The following SLC35D4 variants were observed in gnomAD, a reference collection of about 807,000 sequenced individuals.
SLC35D4 encodes UDP-N-acetylglucosamine transporter SLC35D4.
chr18:23,311,104 CTTTT>C, the SLC35D4 span, among the ~76,000 whole-genome samples: 8 of 142,342 alleles, frequency 5.6e-5, no homozygotes, highest in Non-Finnish European at 9.3e-5. Flanking sequence ...TTTCTCTTCC[CTTTT>C]TTTTTTTTTT....
chr18:23,273,416 G>C, the SLC35D4 span, among the ~76,000 whole-genome samples: 3 of 152,216 alleles, frequency 2.0e-5, no homozygotes, highest in Admixed American at 6.5e-5. Context: ...CAAGAGGGGA[G>C]GCCCGTCTAC....
At chr18:23,411,546 A>AAAGAAAGAAAGAAAGG in the SLC35D4 span, among the ~76,000 whole-genome samples, 75 of 148,984 alleles carry the variant, frequency 5.0e-4, no homozygotes, top group Non-Finnish European at 9.1e-4. Flanking sequence ...AGAAAGAAAG[A>AAAGAAAGAAAGAAAGG]AAGAAAGGTG....
chr18:23,319,586 C>A, the SLC35D4 span, among the ~76,000 whole-genome samples: 2 of 151,912 alleles, frequency 1.3e-5, no homozygotes, highest in African/African-American at 4.8e-5. Context: ...TACAGGCGTG[C>A]GCCACCATGC....
the SLC35D4 span, among the ~76,000 whole-genome samples, chr18:23,368,247 G>A: frequency 3.9e-5 from 6 of 152,088 alleles, no homozygotes; most frequent in Admixed American, 3.9e-4. Flanking sequence ...GCAGCCCAAG[G>A]GCCTCACACA....
chr18:23,326,292 T>C, the SLC35D4 span, among the ~76,000 whole-genome samples: 1 of 152,204 alleles, frequency 6.6e-6, no homozygotes, highest in Non-Finnish European at 1.5e-5. Context: ...ATCAGTGTGC[T>C]GTATTCAGGA....
chr18:23,342,505 G>C, the SLC35D4 span, among the ~76,000 whole-genome samples: 1 of 151,952 alleles, frequency 6.6e-6, no homozygotes, highest in South Asian at 2.1e-4. Context: ...TTTCCAGTTT[G>C]GGTTTCTTAT....
the SLC35D4 span, among the ~76,000 whole-genome samples, chr18:23,421,905 C>T: frequency 5.9e-5 from 9 of 151,870 alleles, no homozygotes; most frequent in Non-Finnish European, 1.2e-4. Flanking sequence ...TCTCAATCTC[C>T]TGACCTCATG....
At chr18:23,250,341 T>G in the SLC35D4 span, among the ~76,000 whole-genome samples, 3 of 45,786 alleles carry the variant, frequency 6.6e-5, no homozygotes, top group South Asian at 1.0e-3. Flanking sequence ...GTGCCTGGAT[T>G]GGGGGGTGAG....
chr18:23,334,790 C>T, the SLC35D4 span, among the ~76,000 whole-genome samples: 435 of 152,072 alleles, frequency 2.9e-3, 3 homozygotes, highest in African/African-American at 1.0e-2. Context: ...CACTTGAGGT[C>T]GGACGGGTTC....
the SLC35D4 span, among the ~76,000 whole-genome samples, chr18:23,420,853 A>G: frequency 1.3e-5 from 2 of 152,208 alleles, no homozygotes; most frequent in Non-Finnish European, 2.9e-5. Flanking sequence ...TATTAGTGGC[A>G]TTATTACCCA....
At chr18:23,362,757 T>C in the SLC35D4 span, among the ~76,000 whole-genome samples, 2 of 152,208 alleles carry the variant, frequency 1.3e-5, no homozygotes, top group Non-Finnish European at 2.9e-5. Flanking sequence ...TGCATCATCT[T>C]GGTCACATCA....
At chr18:23,393,493 T>C in the SLC35D4 span, among the ~76,000 whole-genome samples, 1 of 152,206 alleles carries the variant, frequency 6.6e-6, no homozygotes, top group Non-Finnish European at 1.5e-5. Context: ...CAGATATAAG[T>C]GGAGTCACAC....
the SLC35D4 span, chr18:23,352,162 T>A: frequency 6.4e-7 from 1 of 1,568,836 alleles, no homozygotes. Flanking sequence ...CACAGGCTCT[T>A]GAGAGAGAAT....
chr18:23,355,153 G>T, the SLC35D4 span, among the ~76,000 whole-genome samples: 6 of 152,142 alleles, frequency 3.9e-5, no homozygotes, highest in Non-Finnish European at 5.9e-5. Context: ...AGAAGCATGG[G>T]TAAAATGTAA....
At chr18:23,273,561 G>A in the SLC35D4 span, among the ~76,000 whole-genome samples, 1 of 152,222 alleles carries the variant, frequency 6.6e-6, no homozygotes, top group Non-Finnish European at 1.5e-5. Context: ...ACTGAGACTG[G>A]TGCTTATGAA....
At chr18:23,290,473 G>C in the SLC35D4 span, among the ~76,000 whole-genome samples, 8 of 152,168 alleles carry the variant, frequency 5.3e-5, no homozygotes, top group African/African-American at 1.9e-4. Context: ...ACTTCAGGGA[G>C]AACAAATACC....
chr18:23,284,473 C>G, the SLC35D4 span, among the ~76,000 whole-genome samples: 1 of 152,156 alleles, frequency 6.6e-6, no homozygotes, highest in African/African-American at 2.4e-5. Context: ...TTTGAATCTA[C>G]CTATGACCTG....
At chr18:23,387,401 G>A in the SLC35D4 span, among the ~76,000 whole-genome samples, 1 of 152,144 alleles carries the variant, frequency 6.6e-6, no homozygotes, top group Non-Finnish European at 1.5e-5. Flanking sequence ...GAGCTGCCAA[G>A]AGGAACGACC....
chr18:23,326,772 C>T, the SLC35D4 span, among the ~76,000 whole-genome samples: 27 of 152,296 alleles, frequency 1.8e-4, 1 homozygote, highest in African/African-American at 5.3e-4. Flanking sequence ...CCACATTGCA[C>T]GTATTCTAAA....
Sources: allele counts gnomAD v4.1 joint callset (sites outside exome capture counted in the v4.1 genomes callset), GRCh38; gene constraint gnomAD v4.1.1; transcripts MANE v1.5; gene names NCBI Gene and HGNC (gene_info 2026-07-23, HGNC 2026-07-21).